The following PROS1 variants were observed in gnomAD, a reference collection of about 807,000 sequenced individuals.
PROS1 encodes vitamin K-dependent protein S.
A neutral mutation model predicts 75.9 loss-of-function variants in PROS1; 29 were observed. The ratio of observed to expected loss-of-function variants is 0.38; its 90% CI spans 0.28 to 0.52. The LOEUF is 0.52. PROS1 is among the 20% of genes least tolerant of loss of function. The probability of loss-of-function intolerance (pLI) is 0.83; values close to 1 mark genes in which losing one functional copy is unlikely to be tolerated. For missense variants in PROS1, 680 were observed against 810.3 expected (o/e 0.84, Z 1.95); for synonymous variants, 245 against 280.6 (o/e 0.87, Z 1.27).
At chr3:93,916,230 C>G (rs1708846263) in intron 3 of PROS1, among the ~76,000 whole-genome samples, 1 of 152,130 alleles carries the variant, frequency 6.6e-6, no homozygotes. Flanking sequence ...ATTTGTCCTT[C>G]TTCTTGAATC....
chr3:93,957,645 A>G (rs1315807302), intron 1 of PROS1, among the ~76,000 whole-genome samples: 3 of 152,228 alleles, frequency 2.0e-5, no homozygotes, highest in African/African-American at 7.2e-5. Context: ...ATGTATAAAA[A>G]TATCAAAACA....
intron 1 of PROS1, among the ~76,000 whole-genome samples, chr3:93,970,294 G>A (rs1709857001): frequency 6.6e-6 from 1 of 152,064 alleles, no homozygotes; most frequent in African/African-American, 2.4e-5. Flanking sequence ...CTCACCACAT[G>A]CCTTAAGTGG....
chr3:93,961,300 C>T (rs1362345455), intron 1 of PROS1, among the ~76,000 whole-genome samples: 1 of 152,170 alleles, frequency 6.6e-6, no homozygotes, highest in South Asian at 2.1e-4. Flanking sequence ...AGATTTTGAG[C>T]TTTGCATGCC....
At chr3:93,922,405 A>C (rs996018873) in intron 3 of PROS1, among the ~76,000 whole-genome samples, 8 of 152,208 alleles carry the variant, frequency 5.3e-5, no homozygotes, top group African/African-American at 1.9e-4. Context: ...TGGAAATGGT[A>C]GTTATTTATT....
intron 1 of PROS1, among the ~76,000 whole-genome samples, chr3:93,970,798 T>C (rs939179666): frequency 2.0e-5 from 3 of 152,204 alleles, no homozygotes; most frequent in African/African-American, 7.2e-5. Flanking sequence ...TTCTAATAAC[T>C]CTTTCTAAAA....
chr3:93,969,523 C>T (rs1575901675), intron 1 of PROS1, among the ~76,000 whole-genome samples: 1 of 152,182 alleles, frequency 6.6e-6, no homozygotes, highest in South Asian at 2.1e-4. Flanking sequence ...CAGTGCCAGG[C>T]TAAGCCAAAA....
intron 10 of PROS1, among the ~76,000 whole-genome samples, chr3:93,889,342 C>G (rs1708395261): frequency 6.6e-6 from 1 of 151,898 alleles, no homozygotes; most frequent in Non-Finnish European, 1.5e-5. Flanking sequence ...GTATCTTTAC[C>G]ACCTAGAATA....
chr3:93,926,714 C>T (rs772394755), intron 2 of PROS1, among the ~76,000 whole-genome samples: 41 of 152,240 alleles, frequency 2.7e-4, no homozygotes, highest in African/African-American at 6.3e-4. Flanking sequence ...TGCATGCGTG[C>T]GCGCGCACAC....
At position 93,876,252 on chromosome 3, in the gene PROS1, G is replaced by A. The variant is rs540850368; in HGVS notation, c.1870+714C>T. The stretch of plus-strand genomic sequence containing the variant: ...AAACAAGTGGATATATTTGAAGCAC[G>A]TTAAACAGTGCCCAGACTGTTTGTT... On this transcript the variant is annotated intron_variant, in intron 14 of 14. Coordinates refer to ENST00000394236, the MANE Select transcript of PROS1 (RefSeq NM_000313.4). Among the ~76,000 whole-genome samples the A allele has an allele frequency of 3.3e-5, 5 of 152,232 alleles. No individual in the cohort carries two copies. The East Asian group carries it at 5.8e-4, about 18-fold the overall frequency.
At chr3:93,920,625 T>C (rs545442402) in intron 3 of PROS1, among the ~76,000 whole-genome samples, 117 of 152,304 alleles carry the variant, frequency 7.7e-4, no homozygotes, top group African/African-American at 2.7e-3. Flanking sequence ...CTATAGCTTA[T>C]GATCTATACA....
intron 3 of PROS1, among the ~76,000 whole-genome samples, chr3:93,912,055 T>G (rs1337097130): frequency 6.6e-6 from 1 of 152,166 alleles, no homozygotes; most frequent in Non-Finnish European, 1.5e-5. Context: ...ACCACAAATT[T>G]AGTAGCTTTA....
chr3:93,951,624 C>A (rs1709497543), intron 1 of PROS1, among the ~76,000 whole-genome samples: 1 of 152,176 alleles, frequency 6.6e-6, no homozygotes, highest in Admixed American at 6.5e-5. Flanking sequence ...ACAACCAGTA[C>A]CAGCCACTGC....
At chr3:93,952,763 C>A (rs1427869875) in intron 1 of PROS1, among the ~76,000 whole-genome samples, 3 of 152,094 alleles carry the variant, frequency 2.0e-5, no homozygotes, top group Non-Finnish European at 4.4e-5. Flanking sequence ...ACACAAAAAA[C>A]CCTTCAAAAA....
rs184087636 is a variant in PROS1 at position 93,953,224 on chromosome 3, T to C, written c.76+20450A>G. Among the ~76,000 whole-genome samples, 479 of 152,312 alleles carry C rather than the reference T, an allele frequency of 3.1e-3. 3 individuals carry two copies. The highest frequency in any genetic ancestry group is 0.011 in the African/African-American group (450 of 41,556). On this transcript the variant is annotated intron_variant, in intron 1 of 14. Coordinates refer to ENST00000394236, the MANE Select transcript of PROS1 (RefSeq NM_000313.4). Reference sequence around the variant, plus strand: ...AGAGGAAATCCTCCCTAACTCATTTTATGAGGCCAGCATCATCCTGATACC... The same window carrying C: ...AGAGGAAATCCTCCCTAACTCATTTCATGAGGCCAGCATCATCCTGATACC...
chr3:93,965,298 G>A (rs1005552074), intron 1 of PROS1, among the ~76,000 whole-genome samples: 5 of 152,172 alleles, frequency 3.3e-5, no homozygotes, highest in African/African-American at 9.7e-5. Context: ...TGCCGCCGTC[G>A]CAGACCCGCT....
intron 3 of PROS1, among the ~76,000 whole-genome samples, chr3:93,912,794 G>A (rs1260621212): frequency 6.6e-6 from 1 of 152,122 alleles, no homozygotes; most frequent in Non-Finnish European, 1.5e-5. Context: ...TATAATTGGT[G>A]TTAGGCTATT....
intron 1 of PROS1, among the ~76,000 whole-genome samples, chr3:93,943,409 T>G (rs1709322663): frequency 6.6e-6 from 1 of 150,638 alleles, no homozygotes; most frequent in Admixed American, 6.6e-5. Context: ...GTCTAGTTTC[T>G]CAATTCATAC....
chr3:93,949,418 C>A (rs1301360288), intron 1 of PROS1, among the ~76,000 whole-genome samples: 8 of 152,094 alleles, frequency 5.3e-5, no homozygotes, highest in Admixed American at 1.3e-4. Flanking sequence ...TTCCTTTATA[C>A]CACACTAAAG....
At chr3:93,950,742 C>G (rs1406137388) in intron 1 of PROS1, among the ~76,000 whole-genome samples, 1 of 152,174 alleles carries the variant, frequency 6.6e-6, no homozygotes, top group Non-Finnish European at 1.5e-5. Flanking sequence ...GAAACCAGAG[C>G]AGAAAACCTG....
Sources: gnomAD v4.1 joint callset for allele counts (sites outside exome capture counted in the v4.1 genomes callset) on GRCh38, gnomAD v4.1.1 for gene constraint, MANE v1.5 for transcripts, NCBI Gene and HGNC (gene_info 2026-07-23, HGNC 2026-07-21) for gene names.